Variants in GCN1 observed in about 807,000 individuals in gnomAD.
The protein encoded by GCN1 is stalled ribosome sensor GCN1.
Under a neutral mutation model 288.4 loss-of-function variants are expected in GCN1, and 90 were observed. The observed-to-expected ratio is 0.31, with a 90% CI of 0.26 to 0.37. The LOEUF is 0.37. Ranked by LOEUF, GCN1 falls within the 10% of genes least tolerant of loss-of-function variation. GCN1 has a pLI of 1.00. For synonymous variants in GCN1, 1,386 were observed against 1,420.2 expected (o/e 0.98, Z 0.54); for missense variants, 2,586 against 3,419.9 (o/e 0.76, Z 6.08).
At position 120,176,150 on chromosome 12, in the gene GCN1, T is replaced by C; in HGVS notation, c.906A>G (p.Gly302=). 6.2e-7 allele frequency: 1 copy of C among 1,606,856 alleles called. No individual in the cohort carries two copies. Among genetic ancestry groups the C allele is most frequent in the African/African-American group, 1.3e-5 (1 of 74,886 alleles). Residue 302 remains glycine, a synonymous_variant, in exon 10 of 58, where the codon GGA becomes GGG. Transcript: ENST00000300648. ...AGGGGCTGGGATACTCACCAGCCAG[T>C]CCTTTCACGATGTCCATGGCATACT... ...LSQYAMDIVK[G]LAGHLKSNSP... is the part of the protein sequence containing the mutation.
rs1487387885 is a variant in GCN1 at position 120,149,517 on chromosome 12, A to G, written c.4546+89T>C. ...CCTATCCCTGGTCTGGGGAGCTCAC[A>G]GGACAAGAGCTGTGGCTACCCAGGA... On this transcript the variant is annotated intron_variant, in intron 36 of 57. Transcript: ENST00000300648. The G allele has an allele frequency of 1.0e-5, 9 of 886,402 alleles. No individual in the cohort carries two copies. The East Asian group carries it at 2.2e-4, about 21-fold the overall frequency. The allele number at this position is 886,402 out of a possible 1,614,324, so 54.9% of individuals were successfully genotyped here.
chr12:120,163,622 T>A (rs1462010351), intron 18 of GCN1, among the ~76,000 whole-genome samples: 1 of 151,984 alleles, frequency 6.6e-6, no homozygotes, highest in African/African-American at 2.4e-5. Flanking sequence ...AACAGCCAGG[T>A]CTTTGAGGGT....
chr12:120,157,673 G>T (rs577007982), intron 26 of GCN1, among the ~76,000 whole-genome samples, 176 bp downstream of exon 26: 12 of 152,358 alleles, frequency 7.9e-5, no homozygotes, highest in East Asian at 7.7e-4. Context: ...CATGAAAGAA[G>T]CAGTCTGACC....
chr12:120,188,820 G>A (rs1878910799), intron 2 of GCN1, among the ~76,000 whole-genome samples: 1 of 149,418 alleles, frequency 6.7e-6, no homozygotes, highest in Non-Finnish European at 1.5e-5. Flanking sequence ...CTGCACTCCA[G>A]CCTGGGCAAC....
In GCN1 at chr12:120,142,987, G is replaced by T; in HGVS notation, c.5496-46C>A. On this transcript the variant is annotated intron_variant, in intron 42 of 57. Transcript: ENST00000300648. The surrounding 1 kb of genome is among the most constrained non-coding windows in gnomAD (Gnocchi z 4.9). ...ACAGTCACACAGCTGCAAGGAGTGG[G>T]CTCGGCACAACTGAGCACTGCACAG... The T allele has an allele frequency of 8.5e-7, 1 of 1,178,320 alleles. No homozygotes were observed. The highest frequency in any genetic ancestry group is 1.3e-6 in the Non-Finnish European group (1 of 783,122). 73.0% of individuals were successfully genotyped at this position (1,178,320 alleles called of 1,614,324 possible). A position where few individuals can be genotyped will look rare whatever the true frequency, so the allele number is the denominator to read the frequency against.
At position 120,137,751 on chromosome 12, in the gene GCN1, T is replaced by C. The variant is rs571251589; in HGVS notation, c.6457A>G (p.Ile2153Val). The C allele has an allele frequency of 1.2e-6, 2 of 1,613,908 alleles. No individual in the cohort carries two copies. The highest frequency in any genetic ancestry group is 1.7e-6 in the Non-Finnish European group (2 of 1,179,920). ...CGGGTGGCCTCCAGCAGATCCTCGA[T>C]GATGATCCGGTGCCCTGTGTCATCC... ...VEDDTGHRII[I>V]EDLLEATRSP... Residue 2153 changes from isoleucine (I) to valine (V), a missense_variant, in exon 49 of 58, where the codon ATC (isoleucine) becomes GTC (valine). Ile to Val is a conservative substitution (Grantham distance 29, BLOSUM62 3). Around this residue, in one of 8 missense-constraint regions of GCN1, gnomAD observed 437 missense variants for 570.5 expected, o/e 0.77. Coordinates refer to ENST00000300648, the MANE Select transcript of GCN1 (RefSeq NM_006836.2). This position sits in a 1 kb window ranked among gnomAD's most constrained non-coding sequence, Gnocchi z 5.2.
intron 54 of GCN1, among the ~76,000 whole-genome samples, chr12:120,131,595 G>C (rs543707903): frequency 6.6e-6 from 1 of 152,338 alleles, no homozygotes; most frequent in Admixed American, 6.5e-5. Flanking sequence ...TCAGGGCTAC[G>C]GGACCACTGC....
chr12:120,159,744 A>C (rs1566308836), intron 24 of GCN1, 81 bp downstream of exon 24: 14 of 1,245,136 alleles, frequency 1.1e-5, no homozygotes, highest in Non-Finnish European at 1.5e-5. Flanking sequence ...CCACCTCCCC[A>C]CAAGCACTCA....
chr12:120,160,418 C>T (rs541614788), intron 22 of GCN1, 163 bp from the exon 23 acceptor site: 8 of 604,362 alleles, frequency 1.3e-5, no homozygotes, highest in Non-Finnish European at 2.4e-5. Flanking sequence ...CCCACAAAGT[C>T]CACAGCCACC....
At chr12:120,177,251 G>A (rs1878510039) in intron 9 of GCN1, among the ~76,000 whole-genome samples, 196 bp downstream of exon 9, 1 of 152,126 alleles carries the variant, frequency 6.6e-6, no homozygotes. Context: ...GGGATTACAG[G>A]TGTGAGCCAA....
chr12:120,173,469 A>G (rs1470129541), intron 14 of GCN1, among the ~76,000 whole-genome samples, 184 bp downstream of exon 14: 1 of 152,266 alleles, frequency 6.6e-6, no homozygotes, highest in African/African-American at 2.4e-5. Context: ...GGGAGAAGCC[A>G]GAATTTGTTG....
At chr12:120,143,571 G>A (rs544053577) in intron 42 of GCN1, among the ~76,000 whole-genome samples, 1 of 144,522 alleles carries the variant, frequency 6.9e-6, no homozygotes, top group East Asian at 2.3e-4. Context: ...GACAGAGCGA[G>A]ACTCCGTCTC....
intron 16 of GCN1, among the ~76,000 whole-genome samples, chr12:120,165,950 C>T (rs537833016): frequency 6.6e-6 from 1 of 151,778 alleles, no homozygotes; most frequent in Non-Finnish European, 1.5e-5. Context: ...TGCTACCACG[C>T]CCAGCTTATT....
intron 31 of GCN1, among the ~76,000 whole-genome samples, chr12:120,154,598 G>A (rs1006969849): frequency 6.6e-6 from 1 of 152,228 alleles, no homozygotes; most frequent in African/African-American, 2.4e-5. Context: ...ATATAGATGA[G>A]GAAACAGAGG....
chr12:120,165,092 T>A (rs963594075), intron 16 of GCN1, among the ~76,000 whole-genome samples: 2 of 151,600 alleles, frequency 1.3e-5, no homozygotes, highest in African/African-American at 4.9e-5. Context: ...TCGCCCAGGC[T>A]GGAGTGCAGT....
rs759451631 is a variant in GCN1, at chr12:120,151,365, C to G, written c.4089G>C (p.Leu1363Phe). ...CCTTGATGGCTGGCACAAGGGGTGG[C>G]AAGCAGCTGGCTACGGACTCCTGGA... is the stretch of plus-strand genomic sequence containing the variant. ...QQVQESVASC[L>F]PPLVPAIKED... Residue 1363 changes from leucine to phenylalanine, a missense_variant, in exon 34 of 58, where the codon TTG (leucine) becomes TTC (phenylalanine). Leu to Phe is a conservative substitution (Grantham distance 22). Around this residue, in one of 8 missense-constraint regions of GCN1, gnomAD observed 332 missense variants for 403.0 expected, o/e 0.82. Transcript: ENST00000300648. The G allele has an allele frequency of 6.2e-7, 1 of 1,613,726 alleles. No homozygotes were observed. Among genetic ancestry groups the G allele is most frequent in the Non-Finnish European group, 8.5e-7 (1 of 1,179,920 alleles).
At position 120,158,045 on chromosome 12, in the gene GCN1, A is replaced by G; in HGVS notation, c.2906-15T>C. 1 of 1,612,688 alleles carries G rather than the reference A, an allele frequency of 6.2e-7. No homozygotes were observed. The highest frequency in any genetic ancestry group is 1.7e-5 in the Admixed American group (1 of 60,012). ...GGGCGCAGCACCTGTGAGAGCGAGA[A>G]GCAGATAAGATTCTGCAGGCAGGGC... On this transcript the variant is annotated splice_polypyrimidine_tract_variant and intron_variant, in intron 25 of 57. Coordinates refer to ENST00000300648, the MANE Select transcript of GCN1 (RefSeq NM_006836.2). The surrounding 1 kb of genome is among the most constrained non-coding windows in gnomAD (Gnocchi z 4.3).
At chr12:120,174,789 C>CAA (rs1212428710) in intron 12 of GCN1, among the ~76,000 whole-genome samples, 61 of 30,246 alleles carry the variant, frequency 2.0e-3, no homozygotes, top group African/African-American at 2.8e-3. Context: ...GACTCCATCT[C>CAA]AAAAAAAAAA....
intron 31 of GCN1, among the ~76,000 whole-genome samples, chr12:120,154,574 T>C (rs1877677713): frequency 6.6e-6 from 1 of 152,164 alleles, no homozygotes; most frequent in African/African-American, 2.4e-5. Flanking sequence ...GTAGCTTCTG[T>C]TATTGTGCCC....
Sources: allele counts gnomAD v4.1 joint callset (sites outside exome capture counted in the v4.1 genomes callset), GRCh38; gene constraint gnomAD v4.1.1; regional missense constraint gnomAD v4.1.1; non-coding constraint Gnocchi (gnomAD v3.1); transcripts MANE v1.5; gene names NCBI Gene and HGNC (gene_info 2026-07-23, HGNC 2026-07-21).